The following ROR1 variants were observed in gnomAD, a reference collection of about 807,000 sequenced individuals.
ROR1 encodes the protein inactive tyrosine-protein kinase transmembrane receptor ROR1.
Under a neutral mutation model 78.8 loss-of-function variants are expected in ROR1, and 19 were observed. The observed-to-expected ratio is 0.24, with a 90% CI of 0.17 to 0.35. The LOEUF (loss-of-function observed/expected upper bound fraction) is 0.35. ROR1 is among the 10% of genes least tolerant of loss of function. ROR1 has a pLI of 1.00. For synonymous variants in ROR1, 386 were observed against 433.6 expected, an observed-to-expected ratio of 0.89 and a Z score of 1.36; for missense variants, 917 against 1,177.8, an observed-to-expected ratio of 0.78 and a Z score of 3.24.
At position 63,940,482 on chromosome 1, in the gene ROR1, CAGATAGATAGACAGACAGATAGAT is replaced by C. The variant is rs1414442421; in HGVS notation, c.92-68811_92-68788del. Among the ~76,000 whole-genome samples, 339 of 81,688 alleles carry C rather than the reference CAGATAGATAGACAGACAGATAGAT, an allele frequency of 4.1e-3. 4 individuals carry two copies. The East Asian group carries it at 0.055, about 13-fold the overall frequency. The allele number at this position is 81,688 out of a possible 152,430, so 53.6% of individuals were successfully genotyped here. On this transcript the variant is annotated intron_variant, in intron 1 of 8. Transcript: ENST00000371079. ...GTAAGTACGTAGATAGATAGATAGA[CAGATAGATAGACAGACAGATAGAT>C]AGATAGATAGATAGATAGATAGATA... is the stretch of plus-strand genomic sequence containing the variant.
intron 1 of ROR1, among the ~76,000 whole-genome samples, chr1:63,837,245 C>G (rs968275926): frequency 1.3e-5 from 2 of 152,190 alleles, no homozygotes. Flanking sequence ...TTTCCCAAAG[C>G]TCTTCCAATA....
intron 4 of ROR1, among the ~76,000 whole-genome samples, chr1:64,056,160 A>T (rs1309529602): frequency 2.6e-5 from 4 of 152,104 alleles, no homozygotes; most frequent in Non-Finnish European, 4.4e-5. Context: ...ATTGTGGGGT[A>T]TGTGTTTTCA....
chr1:64,163,516 T>G (rs1042274763), intron 8 of ROR1, among the ~76,000 whole-genome samples: 2 of 152,120 alleles, frequency 1.3e-5, no homozygotes, highest in Non-Finnish European at 2.9e-5. Flanking sequence ...ACAGCCCCCA[T>G]GAGTCGAACT....
At chr1:63,952,766 A>G (rs11208325) in intron 1 of ROR1, among the ~76,000 whole-genome samples, 3,983 of 152,236 alleles carry the variant, frequency 0.026, 174 homozygotes, top group African/African-American at 0.091. Context: ...GGAGCAATTT[A>G]AGGATAGCTC....
At chr1:64,160,655 T>C (rs972401279) in intron 8 of ROR1, among the ~76,000 whole-genome samples, 1 of 152,214 alleles carries the variant, frequency 6.6e-6, no homozygotes, top group Non-Finnish European at 1.5e-5. Context: ...ACTATAAAAG[T>C]AGTGAAAGCA....
chr1:63,883,011 C>T (rs916265049), intron 1 of ROR1, among the ~76,000 whole-genome samples: 15 of 152,076 alleles, frequency 9.9e-5, no homozygotes, highest in African/African-American at 3.6e-4. Flanking sequence ...AATGGGTAGA[C>T]ATTTCTGGAA....
chr1:63,800,707 G>C (rs1230451320), intron 1 of ROR1, among the ~76,000 whole-genome samples: 1 of 152,178 alleles, frequency 6.6e-6, no homozygotes, highest in African/African-American at 2.4e-5. Flanking sequence ...TACTGAATCA[G>C]ACACTGCAGT....
intron 4 of ROR1, among the ~76,000 whole-genome samples, chr1:64,058,524 A>G (rs887197565): frequency 1.3e-5 from 2 of 149,736 alleles, no homozygotes; most frequent in Admixed American, 6.6e-5. Context: ...ATTTTCTTCT[A>G]TGTTTTTTAC....
At chr1:64,134,745 ATTC>A (rs1649042374) in intron 4 of ROR1, among the ~76,000 whole-genome samples, 1 of 140,738 alleles carries the variant, frequency 7.1e-6, no homozygotes, top group African/African-American at 2.7e-5. Flanking sequence ...AGATTCTTTC[ATTC>A]TTTTTTTTTT....
intron 7 of ROR1, chr1:64,143,294 G>C: frequency 1.0e-6 from 1 of 966,284 alleles, no homozygotes. Flanking sequence ...GCCGAGGCAG[G>C]AGGATCATTT....
At chr1:63,815,615 A>G (rs892840494) in intron 1 of ROR1, among the ~76,000 whole-genome samples, 2 of 151,858 alleles carry the variant, frequency 1.3e-5, no homozygotes, top group African/African-American at 4.8e-5. Context: ...GAAATGCTTT[A>G]ACCTTTCAAA....
chr1:63,991,287 C>G (rs1405827458), intron 1 of ROR1, among the ~76,000 whole-genome samples: 3 of 152,116 alleles, frequency 2.0e-5, no homozygotes, highest in Admixed American at 6.6e-5. Flanking sequence ...GGTAGATTTA[C>G]TTATGATGGA....
At chr1:64,084,165 TTG>T (rs1647131030) in intron 4 of ROR1, among the ~76,000 whole-genome samples, 1 of 152,234 alleles carries the variant, frequency 6.6e-6, no homozygotes, top group Non-Finnish European at 1.5e-5. Context: ...TTTGCTTTGT[TTG>T]AATGGCACTG....
intron 1 of ROR1, chr1:63,788,792 G>A (rs563441943): frequency 5.1e-6 from 3 of 585,818 alleles, no homozygotes; most frequent in Admixed American, 2.0e-5. Context: ...TCTTTATGGC[G>A]CTTGCATGCT....
chr1:63,979,086 T>G (rs1474826584), intron 1 of ROR1, among the ~76,000 whole-genome samples: 1 of 152,202 alleles, frequency 6.6e-6, no homozygotes, highest in Non-Finnish European at 1.5e-5. Flanking sequence ...TGGAGGGCAA[T>G]CTTTATTCAG....
chr1:63,971,247 C>T (rs1209182942), intron 1 of ROR1, among the ~76,000 whole-genome samples: 2 of 152,134 alleles, frequency 1.3e-5, no homozygotes, highest in Non-Finnish European at 2.9e-5. Context: ...ATTATTTAAA[C>T]CCCTTAGGCC....
At position 64,056,344 on chromosome 1, in the gene ROR1, T is replaced by C. The variant is rs1199179895; in HGVS notation, c.482+5628T>C. ...ACATGCTCTCCAACACTTATTTTCC[T>C]TATTTAAAAATTATTTATTTATTTA... On this transcript the variant is annotated intron_variant, in intron 4 of 8. Coordinates refer to ENST00000371079, the MANE Select transcript of ROR1 (RefSeq NM_005012.4). Among the ~76,000 whole-genome samples, 7 of 132,314 alleles carry C rather than the reference T, an allele frequency of 5.3e-5. No homozygotes were observed. In the Admixed American group the frequency reaches 6.2e-4, roughly 12 times the overall value. The allele number at this position is 132,314 out of a possible 152,430, so 86.8% of individuals were successfully genotyped here.
At chr1:64,162,281 C>T (rs1373145151) in intron 8 of ROR1, among the ~76,000 whole-genome samples, 3 of 152,166 alleles carry the variant, frequency 2.0e-5, no homozygotes, top group African/African-American at 2.4e-5. Flanking sequence ...CTTGCTGAGC[C>T]GCTAAAATTC....
intron 8 of ROR1, among the ~76,000 whole-genome samples, chr1:64,175,126 C>T (rs983904875): frequency 2.0e-5 from 3 of 151,252 alleles, no homozygotes; most frequent in Non-Finnish European, 4.4e-5. Context: ...AAAAGCAGAA[C>T]CTCTGCCCCC....
Sources: allele counts gnomAD v4.1 joint callset (sites outside exome capture counted in the v4.1 genomes callset), GRCh38; gene constraint gnomAD v4.1.1; transcripts MANE v1.5; gene names NCBI Gene and HGNC (gene_info 2026-07-23, HGNC 2026-07-21).